ULK4: variants seen among roughly 807,000 people sequenced by gnomAD.
The protein encoded by ULK4 is unc-51 like kinase 4, also known as inactive serine/threonine-protein kinase ULK4.
A neutral mutation model predicts 160.6 loss-of-function variants in ULK4; 133 were observed. That is an observed-to-expected ratio of 0.83 (90% confidence interval 0.72 to 0.96). ULK4 has a LOEUF of 0.96. ULK4 is among the 40% of genes least tolerant of loss of function. The pLI is 0.00. For missense variants in ULK4, 1,580 were observed against 1,499.5 expected, an observed-to-expected ratio of 1.05 and a Z score of -0.89; for synonymous variants, 534 against 539.8, an observed-to-expected ratio of 0.99 and a Z score of 0.15.
chr3:41,712,898 G>C (rs1409542277), intron 25 of ULK4, among the ~76,000 whole-genome samples: 1 of 148,880 alleles, frequency 6.7e-6, no homozygotes, highest in African/African-American at 2.5e-5. Context: ...CTCGAAAAAA[G>C]AAAAAAAGCA....
chr3:41,829,096 T>G (rs547898301), intron 18 of ULK4, among the ~76,000 whole-genome samples: 294 of 151,158 alleles, frequency 1.9e-3, no homozygotes, highest in African/African-American at 6.9e-3. Flanking sequence ...TAGCCATATG[T>G]AGAAAGCTGA....
intron 35 of ULK4, 50 bp downstream of exon 35, chr3:41,398,029 C>T (rs761698356): frequency 1.7e-5 from 26 of 1,563,136 alleles, no homozygotes; most frequent in Middle Eastern, 1.7e-4. Flanking sequence ...CTGTCCATGT[C>T]GCTGCCAGCA....
At chr3:41,617,992 G>C (rs897162171) in intron 30 of ULK4, among the ~76,000 whole-genome samples, 1 of 152,080 alleles carries the variant, frequency 6.6e-6, no homozygotes, top group Non-Finnish European at 1.5e-5. Context: ...ACTATCAATA[G>C]CTGAATAGAT....
At chr3:41,323,391 A>AACACACACACACAC (rs34357899) in intron 35 of ULK4, among the ~76,000 whole-genome samples, 104 of 120,316 alleles carry the variant, frequency 8.6e-4, no homozygotes, top group East Asian at 3.3e-3. Context: ...CCTGAACAAT[A>AACACACACACACAC]ACACACACAC....
At chr3:41,431,250 A>G (rs2082897682) in intron 34 of ULK4, among the ~76,000 whole-genome samples, 1 of 151,926 alleles carries the variant, frequency 6.6e-6, no homozygotes, top group African/African-American at 2.4e-5. Context: ...CAGGAAGCTG[A>G]GGCAGGAGAA....
At chr3:41,540,882 G>GT (rs1278255912) in intron 32 of ULK4, among the ~76,000 whole-genome samples, 1 of 151,722 alleles carries the variant, frequency 6.6e-6, no homozygotes, top group Non-Finnish European at 1.5e-5. Flanking sequence ...TGATGGGGTT[G>GT]TTTTTTTCTT....
chr3:41,298,163 T>C (rs2079709349), intron 35 of ULK4, among the ~76,000 whole-genome samples: 1 of 152,182 alleles, frequency 6.6e-6, no homozygotes, highest in African/African-American at 2.4e-5. Context: ...TGGAAAACAA[T>C]ATTTGGCTTG....
chr3:41,317,063 ATTTT>A (rs1164870603), intron 35 of ULK4, among the ~76,000 whole-genome samples: 2,944 of 94,440 alleles, frequency 0.031, 70 homozygotes, highest in African/African-American at 0.12. Flanking sequence ...AATTACATCT[ATTTT>A]TTTTTTTTTT....
intron 14 of ULK4, among the ~76,000 whole-genome samples, chr3:41,897,419 T>A (rs1358043732): frequency 6.6e-6 from 1 of 151,842 alleles, no homozygotes; most frequent in Admixed American, 6.6e-5. Flanking sequence ...GTAAAAAAAA[T>A]AACGAGAATA....
At chr3:41,620,900 T>C (rs760038054) in intron 30 of ULK4, among the ~76,000 whole-genome samples, 7 of 152,114 alleles carry the variant, frequency 4.6e-5, no homozygotes, top group Non-Finnish European at 7.4e-5. Context: ...CTTAAGCTGA[T>C]AGCAACTTCA....
intron 34 of ULK4, among the ~76,000 whole-genome samples, chr3:41,421,387 G>A (rs1236540643): frequency 6.6e-6 from 1 of 152,102 alleles, no homozygotes; most frequent in Non-Finnish European, 1.5e-5. Context: ...TAATGAAAAT[G>A]CATTTAGAGT....
intron 35 of ULK4, among the ~76,000 whole-genome samples, chr3:41,261,345 G>A (rs1183752528): frequency 6.6e-6 from 1 of 152,132 alleles, no homozygotes; most frequent in African/African-American, 2.4e-5. Context: ...TCACTTTACA[G>A]ATGAGAAAAT....
intron 1 of ULK4, among the ~76,000 whole-genome samples, chr3:41,958,244 A>G (rs1700548838): frequency 6.6e-6 from 1 of 152,216 alleles, no homozygotes; most frequent in African/African-American, 2.4e-5. Flanking sequence ...AAAATGTAAT[A>G]TATTTTGCTT....
At chr3:41,320,117 T>C (rs948439588) in intron 35 of ULK4, among the ~76,000 whole-genome samples, 1 of 152,226 alleles carries the variant, frequency 6.6e-6, no homozygotes, top group Non-Finnish European at 1.5e-5. Flanking sequence ...ATTCTGATTC[T>C]AGCTCTGCTG....
At chr3:41,266,060 A>T in intron 35 of ULK4, among the ~76,000 whole-genome samples, 1 of 152,168 alleles carries the variant, frequency 6.6e-6, no homozygotes, top group African/African-American at 2.4e-5. Context: ...CCTTGAGATA[A>T]AATTAACTGA....
rs6803838 is a variant in ULK4, at chr3:41,398,060, G to T, written c.3678+19C>A. 5.0e-6 allele frequency: 8 copies of T among 1,602,720 alleles called. No homozygotes were observed. Among genetic ancestry groups the T allele is most frequent in the Non-Finnish European group, 6.8e-6 (8 of 1,174,258 alleles). On this transcript the variant is annotated intron_variant, in intron 35 of 36. Transcript: ENST00000301831. Reference sequence around the variant, plus strand: ...CAGCAAAGCCACCCACAGTGTCCCCGGTTTCTGTGTGAACTCACCATTCTT... The same window carrying T: ...CAGCAAAGCCACCCACAGTGTCCCCTGTTTCTGTGTGAACTCACCATTCTT...
chr3:41,449,145 T>C lies in ULK4; in HGVS notation c.3492+6352A>G, dbSNP rs190149684. Among the ~76,000 whole-genome samples, 31 of 152,298 alleles carry C rather than the reference T, an allele frequency of 2.0e-4. No individual in the cohort carries two copies. The East Asian group carries it at 5.0e-3, about 25-fold the overall frequency. Reference sequence around the variant, plus strand: ...ACTGGCCAGGCTGGTCTCAAACTCCTGACCTCAAGTGATCTGCCCACCTCA... The same window carrying C: ...ACTGGCCAGGCTGGTCTCAAACTCCCGACCTCAAGTGATCTGCCCACCTCA... On this transcript the variant is annotated intron_variant, in intron 34 of 36. Transcript: ENST00000301831.
chr3:41,419,918 G>T (rs1180725149), intron 34 of ULK4, among the ~76,000 whole-genome samples: 2 of 151,914 alleles, frequency 1.3e-5, no homozygotes, highest in African/African-American at 4.8e-5. Context: ...ACCCCTCACA[G>T]GGTGTTTTGG....
At chr3:41,435,229 G>A (rs987372719) in intron 34 of ULK4, among the ~76,000 whole-genome samples, 3 of 152,222 alleles carry the variant, frequency 2.0e-5, no homozygotes, top group Non-Finnish European at 4.4e-5. Flanking sequence ...AGTCCAACCA[G>A]CCATGCTCCT....
Sources: allele counts gnomAD v4.1 joint callset (sites outside exome capture counted in the v4.1 genomes callset), GRCh38; gene constraint gnomAD v4.1.1; transcripts MANE v1.5; gene names NCBI Gene and HGNC (gene_info 2026-07-23, HGNC 2026-07-21).